PLS1: variants seen among roughly 807,000 people sequenced by gnomAD.
PLS1 encodes plastin 1, also known as plastin-1.
Under a neutral mutation model 73.7 loss-of-function variants are expected in PLS1, and 32 were observed. The ratio of observed to expected loss-of-function variants is 0.43; its 90% CI spans 0.33 to 0.58. The LOEUF is 0.58. Ranked by LOEUF, PLS1 falls within the 20% of genes least tolerant of loss-of-function variation. PLS1 has a pLI of 0.04. For missense variants in PLS1, 633 were observed against 740.5 expected (o/e 0.85, Z 1.68); for synonymous variants, 217 against 261.3 (o/e 0.83, Z 1.63).
intron 1 of PLS1, among the ~76,000 whole-genome samples, chr3:142,631,342 C>T (rs1489475011): frequency 2.0e-5 from 3 of 151,998 alleles, no homozygotes; most frequent in African/African-American, 7.2e-5. Context: ...GGTGAAACCC[C>T]GTTTCTACTA....
chr3:142,663,892 A>G (rs1447100369), intron 1 of PLS1, among the ~76,000 whole-genome samples: 1 of 152,218 alleles, frequency 6.6e-6, no homozygotes, highest in Non-Finnish European at 1.5e-5. Flanking sequence ...TTGAAATGCA[A>G]TGCTTATTTT....
At chr3:142,711,700 C>A in intron 15 of PLS1, 75 bp downstream of exon 15, 1 of 1,353,248 alleles carries the variant, frequency 7.4e-7, no homozygotes, top group Non-Finnish European at 1.0e-6. Flanking sequence ...AGTTACTATG[C>A]CCTTAAAATT....
chr3:142,656,903 C>G (rs1007989937), intron 1 of PLS1: 2 of 152,176 alleles, frequency 1.3e-5, no homozygotes, highest in Non-Finnish European at 2.9e-5. Flanking sequence ...AGTCAATTCT[C>G]CATAGGAACA....
chr3:142,637,823 T>C lies in PLS1; in HGVS notation c.-36-26379T>C, dbSNP rs543471135. Among the ~76,000 whole-genome samples, 6 of 152,278 alleles carry C rather than the reference T, an allele frequency of 3.9e-5. 1 individual carries two copies. In the South Asian group the frequency reaches 1.2e-3, roughly 32 times the overall value. On this transcript the variant is annotated intron_variant, in intron 1 of 15. Coordinates refer to ENST00000457734, the MANE Select transcript of PLS1 (RefSeq NM_001145319.2). The stretch of plus-strand genomic sequence containing the variant: ...ATTCCATCATCCTGATTAATACTTT[T>C]TATCTGTAGATAAACAACATGCCAG...
intron 1 of PLS1, among the ~76,000 whole-genome samples, chr3:142,646,541 A>G (rs1190145880): frequency 6.6e-6 from 1 of 152,260 alleles, no homozygotes; most frequent in Non-Finnish European, 1.5e-5. Context: ...TGTCTTCCTG[A>G]TATCCCTTTA....
At chr3:142,657,621 C>G (rs370965457) in intron 1 of PLS1, among the ~76,000 whole-genome samples, 37 of 152,268 alleles carry the variant, frequency 2.4e-4, no homozygotes, top group African/African-American at 8.7e-4. Context: ...TCCCAAGTAG[C>G]TGGGACTATA....
chr3:142,676,077 A>G (rs372145905), intron 4 of PLS1, 80 bp from the exon 5 acceptor site: 12 of 1,016,796 alleles, frequency 1.2e-5, no homozygotes, highest in African/African-American at 4.9e-5. Context: ...ATGTTTTTGT[A>G]GTGCAATAGC....
At chr3:142,633,818 A>G (rs544875540) in intron 1 of PLS1, among the ~76,000 whole-genome samples, 6 of 152,350 alleles carry the variant, frequency 3.9e-5, no homozygotes, top group Non-Finnish European at 7.3e-5. Flanking sequence ...ATTACCAGGC[A>G]TGCAATGAAG....
intron 1 of PLS1, among the ~76,000 whole-genome samples, chr3:142,606,711 C>T (rs542391129): frequency 1.3e-5 from 2 of 152,104 alleles, no homozygotes; most frequent in South Asian, 4.1e-4. Flanking sequence ...TGGCCTTTTG[C>T]GTCTGGCTTA....
chr3:142,669,888 A>G (rs1182787643), intron 3 of PLS1, among the ~76,000 whole-genome samples: 1 of 152,212 alleles, frequency 6.6e-6, no homozygotes, highest in East Asian at 1.9e-4. Flanking sequence ...CTGGTTTTGC[A>G]TTCTTTATTG....
rs1311775154 is a variant in PLS1, at chr3:142,694,485, G to C, written c.1194G>C (p.Glu398Asp). 1.9e-6 allele frequency: 3 copies of C among 1,603,922 alleles called. No homozygotes were observed. Reference protein sequence around the residue: ...MNLLEGESKEERTFRNWMNSL... With the variant: ...MNLLEGESKEDRTFRNWMNSL... ...CTACTCTAGGAGAGAGCAAGGAAGA[G>C]AGAACATTTCGGAACTGGATGAATT... The change falls in exon 11 of 16, where the codon GAG becomes GAC. Residue 398 changes from glutamate (E) to aspartate (D), a missense_variant. Coordinates refer to ENST00000457734, the MANE Select transcript of PLS1 (RefSeq NM_001145319.2).
intron 1 of PLS1, among the ~76,000 whole-genome samples, chr3:142,632,105 A>G (rs1480023356): frequency 6.6e-6 from 1 of 152,218 alleles, no homozygotes; most frequent in Non-Finnish European, 1.5e-5. Context: ...CCATAAGCAT[A>G]TAAAAAGATG....
At chr3:142,600,343 G>A (rs1263490881) in intron 1 of PLS1, among the ~76,000 whole-genome samples, 1 of 152,090 alleles carries the variant, frequency 6.6e-6, no homozygotes, top group Non-Finnish European at 1.5e-5. Flanking sequence ...AAGTCCTTGG[G>A]ACTGAGAGTC....
At chr3:142,630,420 C>CAAAAAAAAA (rs71153980) in intron 1 of PLS1, among the ~76,000 whole-genome samples, 1 of 110,344 alleles carries the variant, frequency 9.1e-6, no homozygotes, top group Non-Finnish European at 1.8e-5. Flanking sequence ...GACCCTGCCT[C>CAAAAAAAAA]AAAAAAAAAA....
At chr3:142,670,798 C>T (rs1415667765) in intron 3 of PLS1, among the ~76,000 whole-genome samples, 195 bp from the exon 4 acceptor site, 2 of 152,034 alleles carry the variant, frequency 1.3e-5, no homozygotes, top group South Asian at 2.1e-4. Context: ...TTTATTCCAC[C>T]GTTTGGGGTT....
Position 142,686,277 on chromosome 3 carries a change from C to T in PLS1, c.889-7C>T. 6.5e-7 allele frequency: 1 copy of T among 1,549,150 alleles called. No individual in the cohort carries two copies. Among genetic ancestry groups the T allele is most frequent in the Non-Finnish European group, 8.9e-7 (1 of 1,123,368 alleles). Reference sequence around the variant, plus strand: ...TTAAAAATGCTATTTCATATCTTTCCTTGAAGGACTCGAGAGCCTATTTTC... The same window carrying T: ...TTAAAAATGCTATTTCATATCTTTCTTTGAAGGACTCGAGAGCCTATTTTC... On this transcript the variant is annotated splice_polypyrimidine_tract_variant and splice_region_variant and intron_variant, in intron 8 of 15. Transcript: ENST00000457734.
chr3:142,637,524 G>A (rs140386949), intron 1 of PLS1, among the ~76,000 whole-genome samples: 44 of 152,240 alleles, frequency 2.9e-4, no homozygotes, highest in Middle Eastern at 6.8e-3. Flanking sequence ...GCAGCTTAGC[G>A]TATGTCAATT....
intron 1 of PLS1, among the ~76,000 whole-genome samples, chr3:142,600,239 C>T (rs558121702): frequency 3.4e-4 from 52 of 152,232 alleles, no homozygotes; most frequent in African/African-American, 1.2e-3. Context: ...GGGAGTGAGG[C>T]TGGGGTCCTA....
At chr3:142,622,947 G>C (rs778051107) in intron 1 of PLS1, among the ~76,000 whole-genome samples, 3 of 151,988 alleles carry the variant, frequency 2.0e-5, no homozygotes, top group Non-Finnish European at 4.4e-5. Context: ...CAATATTGCC[G>C]TTTTCTTTTC....
Sources: allele counts gnomAD v4.1 joint callset (sites outside exome capture counted in the v4.1 genomes callset), GRCh38; gene constraint gnomAD v4.1.1; transcripts MANE v1.5; gene names NCBI Gene and HGNC (gene_info 2026-07-23, HGNC 2026-07-21).